SLC35F1: variants seen among roughly 807,000 people sequenced by gnomAD.
The protein encoded by SLC35F1 is solute carrier family 35 member F1.
Under a neutral mutation model 48.7 loss-of-function variants are expected in SLC35F1, and 14 were observed. The observed-to-expected ratio is 0.29, with a 90% confidence interval of 0.19 to 0.45. The LOEUF (loss-of-function observed/expected upper bound fraction) is 0.45, where lower values mean the gene tolerates loss of function less well. SLC35F1 is among the 20% of genes least tolerant of loss of function. SLC35F1 has a pLI of 1.00. For synonymous variants in SLC35F1, 190 were observed against 202.2 expected (o/e 0.94, Z 0.51); for missense variants, 404 against 500.0 (o/e 0.81, Z 1.83).
At chr6:118,070,169 T>C (rs1019766331) in intron 1 of SLC35F1, among the ~76,000 whole-genome samples, 33 of 135,626 alleles carry the variant, frequency 2.4e-4, no homozygotes, top group Non-Finnish European at 1.1e-4. Context: ...AAAAAGAATG[T>C]TCATTTAATT....
chr6:118,088,105 T>C (rs1773018087), intron 1 of SLC35F1, among the ~76,000 whole-genome samples: 1 of 152,238 alleles, frequency 6.6e-6, no homozygotes, highest in South Asian at 2.1e-4. Context: ...ATAGTTACTT[T>C]TAATGGTTAC....
intron 1 of SLC35F1, among the ~76,000 whole-genome samples, chr6:117,984,432 G>A (rs547636803): frequency 1.3e-5 from 2 of 149,798 alleles, no homozygotes; most frequent in African/African-American, 2.5e-5. Context: ...CTCGGAGGCC[G>A]AGCTTGTAGT....
intron 1 of SLC35F1, among the ~76,000 whole-genome samples, chr6:118,027,600 G>A (rs1390001236): frequency 1.3e-5 from 2 of 151,866 alleles, no homozygotes; most frequent in African/African-American, 4.8e-5. Flanking sequence ...CAAAGTAACT[G>A]TCAAATCTCC....
chr6:118,294,994 G>A lies in SLC35F1; in HGVS notation c.1002+9656G>A, dbSNP rs1486036325. The stretch of plus-strand genomic sequence containing the variant: ...GATAATTTTTAAATAATTGCTTTGA[G>A]TTACAAAATAATCAGAAAAGTTTTT... On this transcript the variant is annotated intron_variant, in intron 7 of 7. Coordinates refer to ENST00000360388, the MANE Select transcript of SLC35F1 (RefSeq NM_001029858.4). Among the ~76,000 whole-genome samples, 4 of 152,108 alleles carry A rather than the reference G, an allele frequency of 2.6e-5. 1 individual carries two copies. The highest frequency in any genetic ancestry group is 5.9e-5 in the Non-Finnish European group (4 of 68,030).
intron 1 of SLC35F1, among the ~76,000 whole-genome samples, chr6:117,933,661 G>T (rs1207095632): frequency 1.3e-5 from 2 of 152,212 alleles, no homozygotes; most frequent in Admixed American, 6.5e-5. Context: ...TTTGTGCTCT[G>T]ATTGCCCAGC....
intron 1 of SLC35F1, among the ~76,000 whole-genome samples, chr6:118,148,115 A>G (rs944319946): frequency 5.9e-5 from 9 of 152,210 alleles, no homozygotes; most frequent in African/African-American, 1.9e-4. Context: ...CAGGCAGTAT[A>G]CTTAGGTGTT....
chr6:118,160,175 T>C (rs1477411836), intron 2 of SLC35F1, among the ~76,000 whole-genome samples: 1 of 152,230 alleles, frequency 6.6e-6, no homozygotes, highest in Non-Finnish European at 1.5e-5. Flanking sequence ...GTCTGCTTCT[T>C]TTTATATACA....
chr6:118,249,270 C>A (rs1017872589), intron 3 of SLC35F1, among the ~76,000 whole-genome samples: 1 of 152,212 alleles, frequency 6.6e-6, no homozygotes, highest in African/African-American at 2.4e-5. Context: ...GGTTCTCCTG[C>A]CCACCCTTGC....
At chr6:118,047,360 G>A (rs1772316026) in intron 1 of SLC35F1, among the ~76,000 whole-genome samples, 2 of 152,122 alleles carry the variant, frequency 1.3e-5, no homozygotes, top group South Asian at 2.1e-4. Context: ...CACAAATTTG[G>A]TGCCCTCAGT....
chr6:117,968,063 T>A (rs1028014818), intron 1 of SLC35F1, among the ~76,000 whole-genome samples: 1 of 152,108 alleles, frequency 6.6e-6, no homozygotes, highest in Non-Finnish European at 1.5e-5. Context: ...CATAATTAGG[T>A]GTTTATGTGA....
chr6:118,081,464 C>A (rs1486035135), intron 1 of SLC35F1, among the ~76,000 whole-genome samples: 2 of 151,030 alleles, frequency 1.3e-5, no homozygotes, highest in African/African-American at 2.4e-5. Flanking sequence ...GACTCCATTG[C>A]TACAAAAAAT....
intron 2 of SLC35F1, among the ~76,000 whole-genome samples, chr6:118,168,223 G>T (rs1429982356): frequency 6.6e-6 from 1 of 152,040 alleles, no homozygotes; most frequent in Non-Finnish European, 1.5e-5. Context: ...AGTTGTGGCC[G>T]CTTCTTGGTT....
chr6:118,229,705 AG>A (rs1421800642), intron 2 of SLC35F1, among the ~76,000 whole-genome samples: 1 of 152,226 alleles, frequency 6.6e-6, no homozygotes, highest in African/African-American at 2.4e-5. Flanking sequence ...TGGAGTTAGT[AG>A]TAGCATCTAA....
chr6:118,116,397 C>A (rs1238375203), intron 1 of SLC35F1, among the ~76,000 whole-genome samples: 1 of 152,178 alleles, frequency 6.6e-6, no homozygotes, highest in Non-Finnish European at 1.5e-5. Context: ...GTTTGAAGAT[C>A]CCTGGAGTAT....
intron 1 of SLC35F1, among the ~76,000 whole-genome samples, chr6:118,132,160 C>T (rs938787514): frequency 1.2e-4 from 18 of 152,180 alleles, no homozygotes; most frequent in African/African-American, 3.9e-4. Flanking sequence ...CTCCTTTCTC[C>T]TTCCCTAGCC....
chr6:117,971,501 T>G, intron 1 of SLC35F1, among the ~76,000 whole-genome samples: 1 of 152,228 alleles, frequency 6.6e-6, no homozygotes, highest in East Asian at 1.9e-4. Context: ...GTAGGGACTC[T>G]GTGTGGGGAC....
At chr6:117,913,280 A>G (rs1483035601) in intron 1 of SLC35F1, among the ~76,000 whole-genome samples, 1 of 152,214 alleles carries the variant, frequency 6.6e-6, no homozygotes, top group Admixed American at 6.5e-5. Context: ...ATGTTTCTTA[A>G]TGGTAACATG....
At chr6:118,263,096 G>A (rs1775732420) in intron 3 of SLC35F1, among the ~76,000 whole-genome samples, 1 of 152,090 alleles carries the variant, frequency 6.6e-6, no homozygotes, top group Non-Finnish European at 1.5e-5. Flanking sequence ...TCACTCTGTT[G>A]CCCAGGATGG....
At chr6:118,169,717 A>G (rs575608292) in intron 2 of SLC35F1, among the ~76,000 whole-genome samples, 7 of 152,266 alleles carry the variant, frequency 4.6e-5, no homozygotes, top group African/African-American at 1.7e-4. Context: ...CTGGATGACC[A>G]TGTAAACCTT....
Sources: gnomAD v4.1 joint callset for allele counts (sites outside exome capture counted in the v4.1 genomes callset) on GRCh38, gnomAD v4.1.1 for gene constraint, MANE v1.5 for transcripts, NCBI Gene and HGNC (gene_info 2026-07-23, HGNC 2026-07-21) for gene names.